Variants in CTDSPL observed in about 807,000 individuals in gnomAD.
CTDSPL encodes CTD small phosphatase-like protein.
A neutral mutation model predicts 30.5 loss-of-function variants in CTDSPL; 8 were observed. The observed-to-expected ratio is 0.26, with a 90% CI of 0.15 to 0.47. The LOEUF is 0.47. CTDSPL is among the 20% of genes least tolerant of loss of function. CTDSPL has a pLI of 0.99. For missense variants in CTDSPL, 248 were observed against 366.1 expected (o/e 0.68, Z 2.63); for synonymous variants, 110 against 137.9 (o/e 0.80, Z 1.42).
intron 1 of CTDSPL, among the ~76,000 whole-genome samples, chr3:37,901,877 T>C (rs1264280631): frequency 6.6e-6 from 1 of 152,224 alleles, no homozygotes; most frequent in Non-Finnish European, 1.5e-5. Context: ...GTGAGAATTC[T>C]GGATGGAATC....
At chr3:37,917,146 A>G (rs1472820642) in intron 1 of CTDSPL, among the ~76,000 whole-genome samples, 1 of 152,230 alleles carries the variant, frequency 6.6e-6, no homozygotes. Context: ...TTTGTTCAGC[A>G]GACACTTAAC....
chr3:37,862,953 A>G lies in CTDSPL; in HGVS notation c.79+675A>G, dbSNP rs941280953. On this transcript the variant is annotated intron_variant, in intron 1 of 7. Transcript: ENST00000273179. This position sits in a 1 kb window ranked among gnomAD's most constrained non-coding sequence, Gnocchi z 4.3. ...CGTGTGTGTGTGTAAATTGTATACA[A>G]TGAGGCTGTGTGCATCAGTGCACCT... is the stretch of plus-strand genomic sequence containing the variant. 5.3e-5 allele frequency among the ~76,000 whole-genome samples: 8 copies of G among 152,188 alleles called. No individual in the cohort carries two copies. Among genetic ancestry groups the G allele is most frequent in the East Asian group, 1.9e-4 (1 of 5,186 alleles).
intron 1 of CTDSPL, 50 bp from the exon 2 acceptor site, chr3:37,947,007 T>C (rs1404189519): frequency 1.3e-6 from 2 of 1,572,214 alleles, no homozygotes; most frequent in Non-Finnish European, 1.7e-6. Flanking sequence ...ATATTACAAC[T>C]ATCAGTACAT....
At chr3:37,910,803 C>T (rs1698574487) in intron 1 of CTDSPL, among the ~76,000 whole-genome samples, 1 of 152,206 alleles carries the variant, frequency 6.6e-6, no homozygotes, top group Admixed American at 6.5e-5. Flanking sequence ...GTCTGAATTA[C>T]TCCATTCTAC....
intron 1 of CTDSPL, among the ~76,000 whole-genome samples, chr3:37,867,657 ATAAT>A (rs1192535180): frequency 6.6e-6 from 1 of 152,216 alleles, no homozygotes; most frequent in Non-Finnish European, 1.5e-5. Flanking sequence ...TTATTTTGAA[ATAAT>A]TATAGACTCG....
intron 1 of CTDSPL, among the ~76,000 whole-genome samples, chr3:37,916,134 G>A (rs1359269213): frequency 6.6e-6 from 1 of 152,120 alleles, no homozygotes; most frequent in Non-Finnish European, 1.5e-5. Context: ...TTTCAGAAGT[G>A]GCAGGTATCC....
chr3:37,886,551 T>C (rs989272792), intron 1 of CTDSPL, among the ~76,000 whole-genome samples: 1 of 152,204 alleles, frequency 6.6e-6, no homozygotes, highest in Admixed American at 6.5e-5. Context: ...GCACAGGATG[T>C]AGAGCTGAGT....
At chr3:37,958,509 A>G (rs963640492) in intron 3 of CTDSPL, among the ~76,000 whole-genome samples, 1 of 152,152 alleles carries the variant, frequency 6.6e-6, no homozygotes, top group Non-Finnish European at 1.5e-5. Context: ...CACCTTCAAT[A>G]TCACTATTAC....
intron 1 of CTDSPL, among the ~76,000 whole-genome samples, chr3:37,924,446 T>A (rs1698757103): frequency 2.0e-5 from 3 of 152,220 alleles, no homozygotes; most frequent in African/African-American, 7.2e-5. Context: ...TTCCTTGTTT[T>A]ATAATTGCCA....
At chr3:37,865,604 T>C (rs981882197) in intron 1 of CTDSPL, among the ~76,000 whole-genome samples, 3 of 152,220 alleles carry the variant, frequency 2.0e-5, no homozygotes, top group African/African-American at 7.2e-5. Context: ...AGTTTATTCT[T>C]CCCACATAAT....
At chr3:37,952,977 T>C (rs1699127371) in intron 2 of CTDSPL, among the ~76,000 whole-genome samples, 1 of 152,256 alleles carries the variant, frequency 6.6e-6, no homozygotes, top group Non-Finnish European at 1.5e-5. Flanking sequence ...ACATGTATCA[T>C]TTAATTTTTT....
In CTDSPL at chr3:37,981,874, G is replaced by C. The variant is rs906959492; in HGVS notation, c.*1007G>C. ...GAATTTTCCTTGCTGCTACCGCGCT[G>C]CCACCAAATGGAATTGACCAGCGGC... On this transcript the variant is annotated 3_prime_UTR_variant, in exon 8 of 8. Transcript: ENST00000273179. 6 of 457,166 alleles carry C rather than the reference G, an allele frequency of 1.3e-5. No individual in the cohort carries two copies. The highest frequency in any genetic ancestry group is 2.2e-5 in the Non-Finnish European group (5 of 227,102). The allele number at this position is 457,166 out of a possible 1,614,324, so 28.3% of individuals were successfully genotyped here. A position where few individuals can be genotyped will look rare whatever the true frequency, so the allele number is the denominator to read the frequency against.
intron 2 of CTDSPL, among the ~76,000 whole-genome samples, chr3:37,947,544 G>A (rs2125622717): frequency 6.6e-6 from 1 of 152,272 alleles, no homozygotes; most frequent in East Asian, 1.9e-4. Flanking sequence ...TGGGCAATAA[G>A]AGCGAAACTA....
At chr3:37,895,632 T>G (rs1187702453) in intron 1 of CTDSPL, among the ~76,000 whole-genome samples, 1 of 152,262 alleles carries the variant, frequency 6.6e-6, no homozygotes, top group Non-Finnish European at 1.5e-5. Context: ...CTCTGAAATC[T>G]GCTTACTGTC....
At chr3:37,978,358 G>A (rs1267763793) in intron 7 of CTDSPL, among the ~76,000 whole-genome samples, 2 of 152,130 alleles carry the variant, frequency 1.3e-5, no homozygotes, top group African/African-American at 4.8e-5. Flanking sequence ...GGTACCAGAA[G>A]TGTCTTGGAT....
At chr3:37,909,620 G>A (rs1345731923) in intron 1 of CTDSPL, among the ~76,000 whole-genome samples, 2 of 152,236 alleles carry the variant, frequency 1.3e-5, no homozygotes, top group African/African-American at 4.8e-5. Flanking sequence ...GTGTGGTGAT[G>A]TTCCTTTAGT....
chr3:37,888,452 C>T (rs1349774580), intron 1 of CTDSPL, among the ~76,000 whole-genome samples: 3 of 152,114 alleles, frequency 2.0e-5, no homozygotes, highest in Non-Finnish European at 4.4e-5. Context: ...CTTAGTGGTG[C>T]CATTCTCCAA....
chr3:37,920,171 G>C (rs1453339790), intron 1 of CTDSPL, among the ~76,000 whole-genome samples: 1 of 152,124 alleles, frequency 6.6e-6, no homozygotes, highest in African/African-American at 2.4e-5. Flanking sequence ...AGGAACAATT[G>C]CTAGATGAAG....
chr3:37,880,214 GAA>G (rs907326457), intron 1 of CTDSPL, among the ~76,000 whole-genome samples: 32 of 151,586 alleles, frequency 2.1e-4, no homozygotes, highest in African/African-American at 7.5e-4. Flanking sequence ...TACAGCTGAG[GAA>G]ACAGTCTCAA....
Sources: allele counts gnomAD v4.1 joint callset (sites outside exome capture counted in the v4.1 genomes callset), GRCh38; gene constraint gnomAD v4.1.1; non-coding constraint Gnocchi (gnomAD v3.1); transcripts MANE v1.5; gene names NCBI Gene and HGNC (gene_info 2026-07-23, HGNC 2026-07-21).